LGR4: variants seen among roughly 807,000 people sequenced by gnomAD.
LGR4 encodes the protein leucine-rich repeat-containing G protein-coupled receptor 4.
LGR4 carries 44 observed loss-of-function variants against 84.8 expected under a neutral mutation model. The ratio of observed to expected loss-of-function variants is 0.52; its 90% CI spans 0.41 to 0.67. The LOEUF (loss-of-function observed/expected upper bound fraction) is 0.67. LGR4 is among the 30% of genes least tolerant of loss of function. LGR4 has a pLI of 0.00. For missense variants in LGR4, 1,032 were observed against 1,131.4 expected (o/e 0.91, Z 1.26); for synonymous variants, 429 against 434.3 (o/e 0.99, Z 0.15).
At chr11:27,402,243 G>T (rs999484892) in intron 2 of LGR4, among the ~76,000 whole-genome samples, 2 of 152,132 alleles carry the variant, frequency 1.3e-5, no homozygotes, top group African/African-American at 4.8e-5. Context: ...TCTGGTTAAT[G>T]AAGTGAGAGG....
At chr11:27,413,718 A>G (rs1315067155) in intron 1 of LGR4, among the ~76,000 whole-genome samples, 2 of 152,072 alleles carry the variant, frequency 1.3e-5, no homozygotes, top group Admixed American at 1.3e-4. Context: ...CCTCTCTAGA[A>G]CCTGGCATGA....
At chr11:27,417,904 A>G (rs1392949965) in intron 1 of LGR4, among the ~76,000 whole-genome samples, 1 of 152,202 alleles carries the variant, frequency 6.6e-6, no homozygotes, top group African/African-American at 2.4e-5. Flanking sequence ...TCTAATATAT[A>G]TCAATGCTAT....
intron 2 of LGR4, among the ~76,000 whole-genome samples, chr11:27,399,777 C>A (rs886784591): frequency 1.3e-5 from 2 of 152,132 alleles, no homozygotes; most frequent in Non-Finnish European, 2.9e-5. Context: ...CCTCGGCCTC[C>A]CAAAGTGCTG....
chr11:27,366,336 A>C lies in LGR4; in HGVS notation c.*1531T>G, dbSNP rs963512906. The C allele has an allele frequency of 3.3e-5, 5 of 152,606 alleles. No homozygotes were observed. Among genetic ancestry groups the C allele is most frequent in the African/African-American group, 1.2e-4 (5 of 41,454 alleles). The allele number at this position is 152,606 out of a possible 1,614,324, so 9.5% of individuals were successfully genotyped here. A position where few individuals can be genotyped will look rare whatever the true frequency, so the allele number is the denominator to read the frequency against. On this transcript the variant is annotated 3_prime_UTR_variant, in exon 18 of 18. Transcript: ENST00000379214. ...GTACAACAAAGACTATTTACAATGC[A>C]AAAAGTATATAAACCACAATTTAAC...
chr11:27,411,471 T>C (rs908414385), intron 2 of LGR4, among the ~76,000 whole-genome samples: 7 of 152,078 alleles, frequency 4.6e-5, no homozygotes, highest in East Asian at 1.9e-4. Context: ...ACTCTTCTGC[T>C]TTTTTTCTTA....
In LGR4 at chr11:27,369,028, T is replaced by C. The variant is rs1452599348; in HGVS notation, c.1695A>G (p.Ala565=). Residue 565 remains alanine (A), a synonymous_variant, in exon 18 of 18, where the codon GCA becomes GCG. Coordinates refer to ENST00000379214, the MANE Select transcript of LGR4 (RefSeq NM_018490.5). ...TGGACGAAGGCAGTGATGTACAAGA[T>C]GCAAATGTTGTTAAAATAACAAGCA... The part of the protein sequence containing the change: ...FNLLVILTTF[A]SCTSLPSSKL... 1 of 1,614,056 alleles carries C rather than the reference T, an allele frequency of 6.2e-7. No homozygotes were observed. The highest frequency in any genetic ancestry group is 1.7e-5 in the Admixed American group (1 of 60,018).
At chr11:27,452,871 T>A (rs975113726) in intron 1 of LGR4, among the ~76,000 whole-genome samples, 2 of 151,838 alleles carry the variant, frequency 1.3e-5, no homozygotes, top group Non-Finnish European at 2.9e-5. Flanking sequence ...CTTAATACCG[T>A]TGAAAACTAT....
chr11:27,420,255 T>C (rs2070818786), intron 1 of LGR4, among the ~76,000 whole-genome samples: 1 of 152,152 alleles, frequency 6.6e-6, no homozygotes, highest in Admixed American at 6.6e-5. Context: ...TCGAGAAATA[T>C]GGGGCTCTTT....
intron 2 of LGR4, among the ~76,000 whole-genome samples, chr11:27,407,967 A>C (rs1182472138): frequency 6.6e-6 from 1 of 152,140 alleles, no homozygotes; most frequent in Non-Finnish European, 1.5e-5. Flanking sequence ...GTATATGAAA[A>C]ATTATGCTTG....
At chr11:27,431,832 T>C (rs1010923088) in intron 1 of LGR4, among the ~76,000 whole-genome samples, 6 of 152,218 alleles carry the variant, frequency 3.9e-5, no homozygotes, top group Admixed American at 2.0e-4. Context: ...AAATCCAAGT[T>C]CTACCATGTA....
chr11:27,434,016 T>C (rs1162930456), intron 1 of LGR4, among the ~76,000 whole-genome samples: 4 of 152,204 alleles, frequency 2.6e-5, no homozygotes, highest in Non-Finnish European at 5.9e-5. Flanking sequence ...AATGGGAAAA[T>C]ATCTCCCCTA....
chr11:27,380,615 T>A lies in LGR4; in HGVS notation c.902+25A>T, dbSNP rs934162376. ...TAAAACAACTGTATAAATATCCAGGTTTGTTTTTAAATTCACATACTTACA... is the reference window on the plus strand; with the variant it reads ...TAAAACAACTGTATAAATATCCAGGATTGTTTTTAAATTCACATACTTACA... On this transcript the variant is annotated intron_variant, in intron 9 of 17. Coordinates refer to ENST00000379214, the MANE Select transcript of LGR4 (RefSeq NM_018490.5). 2.1e-6 allele frequency: 3 copies of A among 1,413,566 alleles called. No homozygotes were observed. The African/African-American group carries it at 4.2e-5, about 20-fold the overall frequency. The allele number at this position is 1,413,566 out of a possible 1,614,324, so 87.6% of individuals were successfully genotyped here. A position where few individuals can be genotyped will look rare whatever the true frequency, so the allele number is the denominator to read the frequency against.
intron 1 of LGR4, among the ~76,000 whole-genome samples, chr11:27,458,545 T>TC (rs1864617181): frequency 7.1e-6 from 1 of 141,528 alleles, no homozygotes; most frequent in African/African-American, 2.5e-5. Context: ...TTTTTAAGTA[T>TC]TTTTTTTTTT....
At chr11:27,370,977 A>G (rs1369917607) in intron 17 of LGR4, among the ~76,000 whole-genome samples, 1 of 152,200 alleles carries the variant, frequency 6.6e-6, no homozygotes, top group Non-Finnish European at 1.5e-5. Context: ...CCCCTTAAGA[A>G]GCTCACAATT....
chr11:27,391,720 G>A (rs1199687773), intron 3 of LGR4, among the ~76,000 whole-genome samples: 2 of 152,120 alleles, frequency 1.3e-5, no homozygotes, highest in Non-Finnish European at 2.9e-5. Context: ...ACTAGTTAGG[G>A]CCTGCCAAAT....
At chr11:27,386,631 C>T (rs1481467864) in intron 4 of LGR4, among the ~76,000 whole-genome samples, 4 of 152,120 alleles carry the variant, frequency 2.6e-5, no homozygotes, top group African/African-American at 9.7e-5. Context: ...CATAATTGTC[C>T]CTTTCCACCA....
chr11:27,405,570 A>T (rs1335436079), intron 2 of LGR4, among the ~76,000 whole-genome samples: 1 of 152,086 alleles, frequency 6.6e-6, no homozygotes, highest in African/African-American at 2.4e-5. Context: ...TGAACTCCAC[A>T]TGTATGTTAA....
At chr11:27,402,790 C>A (rs1056717660) in intron 2 of LGR4, among the ~76,000 whole-genome samples, 3 of 152,114 alleles carry the variant, frequency 2.0e-5, no homozygotes, top group Non-Finnish European at 4.4e-5. Flanking sequence ...GGGAACTATG[C>A]CCCTCTTTAT....
intron 1 of LGR4, among the ~76,000 whole-genome samples, chr11:27,468,505 G>C (rs879407260): frequency 1.3e-5 from 2 of 152,140 alleles, no homozygotes; most frequent in Non-Finnish European, 2.9e-5. Flanking sequence ...AAAGAGGGTG[G>C]TGTGAGCTCA....
Sources: allele counts gnomAD v4.1 joint callset (sites outside exome capture counted in the v4.1 genomes callset), GRCh38; gene constraint gnomAD v4.1.1; transcripts MANE v1.5; gene names NCBI Gene and HGNC (gene_info 2026-07-23, HGNC 2026-07-21).